Variants in NLGN4Y observed in about 807,000 individuals in gnomAD.
NLGN4Y encodes the protein neuroligin 4 Y-linked, also known as neuroligin-4, Y-linked.
In NLGN4Y, 4 loss-of-function variants were observed where a neutral mutation model predicts 8.4. The observed-to-expected ratio is 0.48, with a 90% CI of 0.23 to 1.09. The LOEUF (loss-of-function observed/expected upper bound fraction) is 1.09. Among genes scored for constraint, NLGN4Y ranks in the 50% least tolerant of loss-of-function variants. NLGN4Y has a pLI of 0.19. For missense variants in NLGN4Y, 90 were observed against 192.3 expected, an observed-to-expected ratio of 0.47 and a Z score of 3.15; for synonymous variants, 35 against 75.6, an observed-to-expected ratio of 0.46 and a Z score of 2.78.
At chrY:14,634,176 C>T in intron 2 of NLGN4Y, among the ~76,000 whole-genome samples, 1 of 33,383 alleles carries the variant, frequency 3.0e-5, no homozygotes, top group African/African-American at 1.2e-4. Context: ...GGAAAGACTC[C>T]AAAAGAGTGA....
intron 4 of NLGN4Y, among the ~76,000 whole-genome samples, chrY:14,729,904 G>A (rs781437047): frequency 3.0e-4 from 10 of 33,479 alleles, no homozygotes; most frequent in African/African-American, 1.2e-3. Context: ...TTGCACATAT[G>A]GTGAGAACTT....
intron 1 of NLGN4Y, among the ~76,000 whole-genome samples, chrY:14,600,291 C>G: frequency 3.2e-5 from 1 of 30,953 alleles, no homozygotes; most frequent in South Asian, 7.2e-4. Context: ...CAGTATTTCT[C>G]CAAACTAAGC....
At chrY:14,564,027 G>A (rs2080243274) in intron 1 of NLGN4Y, among the ~76,000 whole-genome samples, 1 of 33,021 alleles carries the variant, frequency 3.0e-5, no homozygotes, top group African/African-American at 1.2e-4. Context: ...GATTTTTCAT[G>A]TCTCGATCTC....
intron 1 of NLGN4Y, among the ~76,000 whole-genome samples, chrY:14,535,043 A>T (rs553729367): frequency 3.0e-5 from 1 of 33,112 alleles, no homozygotes; most frequent in Non-Finnish European, 7.4e-5. Context: ...AACATTATGT[A>T]GTTAATATTA....
At chrY:14,802,605 G>C (rs1603504207) in intron 4 of NLGN4Y, among the ~76,000 whole-genome samples, 2 of 18,585 alleles carry the variant, frequency 1.1e-4, no homozygotes, top group East Asian at 1.5e-3. Flanking sequence ...ACATATAAAA[G>C]TATATTATAT....
At chrY:14,587,585 C>A in intron 1 of NLGN4Y, among the ~76,000 whole-genome samples, 3 of 33,616 alleles carry the variant, frequency 8.9e-5, no homozygotes, top group Non-Finnish European at 2.2e-4. Flanking sequence ...TTCTTTGTCT[C>A]TTTTCTCCCT....
intron 4 of NLGN4Y, among the ~76,000 whole-genome samples, chrY:14,772,748 T>C: frequency 3.0e-5 from 1 of 33,396 alleles, no homozygotes; most frequent in South Asian, 6.7e-4. Context: ...ATCCCTGAGA[T>C]GCAAGGCTGA....
chrY:14,622,793 G>T, intron 2 of NLGN4Y, among the ~76,000 whole-genome samples: 7 of 33,804 alleles, frequency 2.1e-4, no homozygotes, highest in African/African-American at 4.6e-4. Context: ...TCTACTGGAT[G>T]GACAAAACTA....
chrY:14,616,073 G>T (rs2080487839), intron 1 of NLGN4Y, among the ~76,000 whole-genome samples: 1 of 30,978 alleles, frequency 3.2e-5, no homozygotes, highest in Admixed American at 2.8e-4. Context: ...AATCTGTCTG[G>T]TCCTGGACTT....
intron 6 of NLGN4Y, among the ~76,000 whole-genome samples, chrY:14,831,266 C>T (rs2043178052): frequency 3.2e-5 from 1 of 31,631 alleles, no homozygotes; most frequent in Non-Finnish European, 7.6e-5. Flanking sequence ...CTGGTCTCAA[C>T]GGATCCTCCC....
In NLGN4Y at chrY:14,842,776, C is replaced by A. The variant is rs1305644778; in HGVS notation, c.*1514C>A. 1 of 121,450 alleles carries A rather than the reference C, an allele frequency of 8.2e-6. No individual in the cohort carries two copies. The highest frequency in any genetic ancestry group is 1.8e-5 in the Non-Finnish European group (1 of 56,115). The allele number at this position is 121,450 out of a possible 400,897, so 30.3% of individuals were successfully genotyped here. ...TTAGGATATCTTCACTGACAAGACA[C>A]TGAATGGAATTTATTCACCCATTTT... On this transcript the variant is annotated 3_prime_UTR_variant, in exon 7 of 7. Coordinates refer to ENST00000684976, the MANE Select transcript of NLGN4Y (RefSeq NM_001365588.1).
intron 1 of NLGN4Y, among the ~76,000 whole-genome samples, chrY:14,560,792 T>C: frequency 3.0e-5 from 1 of 33,686 alleles, no homozygotes; most frequent in African/African-American, 1.1e-4. Flanking sequence ...GTTTTCCACA[T>C]TTTTGCAACC....
chrY:14,677,729 T>A, intron 2 of NLGN4Y, among the ~76,000 whole-genome samples: 3 of 32,335 alleles, frequency 9.3e-5, no homozygotes, highest in Non-Finnish European at 1.5e-4. Context: ...TTTTTATTTT[T>A]TTTATTTTTT....
intron 3 of NLGN4Y, among the ~76,000 whole-genome samples, chrY:14,721,258 C>T (rs2080933815): frequency 3.0e-5 from 1 of 32,946 alleles, no homozygotes; most frequent in Admixed American, 2.8e-4. Context: ...CTCTTTTTAC[C>T]ACAATTTACT....
chrY:14,784,413 C>G (rs951153727), intron 4 of NLGN4Y, among the ~76,000 whole-genome samples: 8 of 34,033 alleles, frequency 2.4e-4, no homozygotes, highest in Non-Finnish European at 4.4e-4. Context: ...GTAATCCCAG[C>G]ACTTTGGGAG....
chrY:14,566,152 A>G (rs2080250580), intron 1 of NLGN4Y, among the ~76,000 whole-genome samples: 2 of 33,459 alleles, frequency 6.0e-5, no homozygotes. Context: ...TAATGATAGG[A>G]TCAAATTCAC....
intron 4 of NLGN4Y, among the ~76,000 whole-genome samples, chrY:14,772,795 TAA>T (rs2081111146): frequency 3.0e-5 from 1 of 33,221 alleles, no homozygotes; most frequent in African/African-American, 1.2e-4. Flanking sequence ...ATCCATTGCA[TAA>T]ACAGAACCAA....
Position 14,561,125 on chromosome Y carries a change from T to A in NLGN4Y, c.-112+36417T>A. Among the ~76,000 whole-genome samples, 3 of 32,934 alleles carry A rather than the reference T, an allele frequency of 9.1e-5. No homozygotes were observed. The East Asian group carries it at 2.4e-3, about 26-fold the overall frequency. The allele number at this position is 32,934 out of a possible 37,273, so 88.4% of individuals were successfully genotyped here. A position where few individuals can be genotyped will look rare whatever the true frequency, so the allele number is the denominator to read the frequency against. On this transcript the variant is annotated intron_variant, in intron 1 of 6. Transcript: ENST00000684976. Reference sequence around the variant, plus strand: ...TATACTTTAGGTTCTGGGTTACATGTGCAGAACGTGCACTTTGTAATAAGT... The same window carrying A: ...TATACTTTAGGTTCTGGGTTACATGAGCAGAACGTGCACTTTGTAATAAGT...
intron 1 of NLGN4Y, among the ~76,000 whole-genome samples, chrY:14,557,001 C>CA (rs2080212480): frequency 1.8e-4 from 6 of 33,616 alleles, no homozygotes; most frequent in African/African-American, 6.9e-4. Context: ...GGAGCATACG[C>CA]AGGGAAGCTA....
Sources: gnomAD v4.1 joint callset for allele counts (sites outside exome capture counted in the v4.1 genomes callset) on GRCh38, gnomAD v4.1.1 for gene constraint, MANE v1.5 for transcripts, NCBI Gene and HGNC (gene_info 2026-07-23, HGNC 2026-07-21) for gene names.